Variants in PRRX1 observed in about 807,000 individuals in gnomAD.
PRRX1 encodes paired related homeobox 1.
A neutral mutation model predicts 24.0 loss-of-function variants in PRRX1; 8 were observed. That is an observed-to-expected ratio of 0.33 (90% confidence interval 0.20 to 0.60). PRRX1 has a LOEUF of 0.60. Ranked by LOEUF, PRRX1 falls within the 20% of genes least tolerant of loss-of-function variation. The probability of loss-of-function intolerance (pLI) is 0.82; values close to 1 mark genes in which losing one functional copy is unlikely to be tolerated. For synonymous variants in PRRX1, 160 were observed against 131.7 expected (o/e 1.22, Z -1.47); for missense variants, 281 against 322.4 (o/e 0.87, Z 0.98).
In PRRX1 at chr1:170,721,125, C is replaced by T. The variant is rs539816166; in HGVS notation, c.417+1224C>T. ...AGAGTTCATGCTTTTAATTACCACT[C>T]CCCACCCCGCCTCCCAAAAAAACTG... On this transcript the variant is annotated intron_variant, in intron 2 of 3. Coordinates refer to ENST00000239461, the MANE Select transcript of PRRX1 (RefSeq NM_022716.4). Among the ~76,000 whole-genome samples the T allele has an allele frequency of 6.6e-5, 10 of 152,214 alleles. No homozygotes were observed. In the East Asian group the frequency reaches 1.7e-3, roughly 26 times the overall value.
chr1:170,719,415 A>C (rs992392712), intron 1 of PRRX1, among the ~76,000 whole-genome samples: 1 of 152,232 alleles, frequency 6.6e-6, no homozygotes, highest in African/African-American at 2.4e-5. Context: ...TCCAAAGAAC[A>C]TGGGCAGGGG....
intron 2 of PRRX1, among the ~76,000 whole-genome samples, 200 bp from the exon 3 acceptor site, chr1:170,726,020 T>C (rs563872214): frequency 6.6e-6 from 1 of 152,288 alleles, no homozygotes; most frequent in South Asian, 2.1e-4. Flanking sequence ...TGTAATAGTC[T>C]TGACCTTTAA....
At chr1:170,668,681 G>A (rs953780067) in intron 1 of PRRX1, 1 of 152,216 alleles carries the variant, frequency 6.6e-6, no homozygotes, top group African/African-American at 2.4e-5. Flanking sequence ...AGGAGAGCGG[G>A]AACATTTTCT....
intron 1 of PRRX1, among the ~76,000 whole-genome samples, chr1:170,692,713 CCTCTCTCT>C (rs375918496): frequency 3.6e-5 from 5 of 138,956 alleles, no homozygotes; most frequent in African/African-American, 5.5e-5. Context: ...ACTAACAAAT[CCTCTCTCT>C]CTCTCTCTCT....
rs71559512 is a variant in PRRX1, at chr1:170,689,839, CCTCTCTCTCTCTCT to C, written c.241+25403_241+25416del. ...GTCTCTCTCTCTCTCTCTCTCTCTC[CCTCTCTCTCTCTCT>C]CTCTCTCTCTCTCTCTCTCTCTGTG... On this transcript the variant is annotated intron_variant, in intron 1 of 3. Transcript: ENST00000239461. 2.7e-3 allele frequency among the ~76,000 whole-genome samples: 243 copies of C among 91,642 alleles called. 1 individual carries two copies. The highest frequency in any genetic ancestry group is 4.2e-3 in the Non-Finnish European group (179 of 42,812). 60.1% of individuals were successfully genotyped at this position (91,642 alleles called of 152,430 possible). A position where few individuals can be genotyped will look rare whatever the true frequency, so the allele number is the denominator to read the frequency against.
At chr1:170,666,840 A>G (rs921868589) in intron 1 of PRRX1, among the ~76,000 whole-genome samples, 1 of 151,952 alleles carries the variant, frequency 6.6e-6, no homozygotes, top group Non-Finnish European at 1.5e-5. Flanking sequence ...TAGAGTGGGT[A>G]TGGAGCCGGG....
intron 1 of PRRX1, among the ~76,000 whole-genome samples, chr1:170,676,804 G>A (rs1653334132): frequency 6.6e-6 from 1 of 152,114 alleles, no homozygotes; most frequent in Middle Eastern, 3.2e-3. Context: ...ATCATACTGA[G>A]TTAGGAATGA....
At chr1:170,726,686 C>A in intron 3 of PRRX1, 1 of 385,810 alleles carries the variant, frequency 2.6e-6, no homozygotes, top group Non-Finnish European at 4.7e-6. Flanking sequence ...AAGAAAAGAT[C>A]ATTAAGCTGT....
In PRRX1 at chr1:170,680,000, T is replaced by G. The variant is rs148998996; in HGVS notation, c.241+15541T>G. Among the ~76,000 whole-genome samples, 817 of 152,350 alleles carry G rather than the reference T, an allele frequency of 5.4e-3. 5 individuals are homozygous for G. Among genetic ancestry groups the G allele is most frequent in the African/African-American group, 0.018 (757 of 41,584 alleles). Reference sequence around the variant, plus strand: ...AATTTTCCCTTTTTTCTGATGCTGATTTTTGAAAAGGTTGTGTACGAAATT... The same window carrying G: ...AATTTTCCCTTTTTTCTGATGCTGAGTTTTGAAAAGGTTGTGTACGAAATT... On this transcript the variant is annotated intron_variant, in intron 1 of 3. Coordinates refer to ENST00000239461, the MANE Select transcript of PRRX1 (RefSeq NM_022716.4).
chr1:170,737,126 T>TTATA lies in PRRX1; in HGVS notation c.*947_*950dup. On this transcript the variant is annotated 3_prime_UTR_variant, in exon 4 of 4. Transcript: ENST00000239461. ...GCCTTAAGGATAGTGAGATGCACAC[T>TTATA]TATATATATACTGTATATATTTATA... is the stretch of plus-strand genomic sequence containing the variant. The TTATA allele has an allele frequency of 5.8e-6, 1 of 172,678 alleles. No homozygotes were observed. The highest frequency in any genetic ancestry group is 1.2e-5 in the Non-Finnish European group (1 of 80,780). The allele number at this position is 172,678 out of a possible 1,614,324, so 10.7% of individuals were successfully genotyped here. A position where few individuals can be genotyped will look rare whatever the true frequency, so the allele number is the denominator to read the frequency against.
chr1:170,699,787 G>A lies in PRRX1; in HGVS notation c.242-19939G>A, dbSNP rs74343812. 2.7e-3 allele frequency among the ~76,000 whole-genome samples: 414 copies of A among 152,130 alleles called. 1 individual carries two copies. The highest frequency in any genetic ancestry group is 9.5e-3 in the African/African-American group (396 of 41,516). On this transcript the variant is annotated intron_variant, in intron 1 of 3. Coordinates refer to ENST00000239461, the MANE Select transcript of PRRX1 (RefSeq NM_022716.4). ...GTCTCGCTCTGTCACCTAGGCTGGA[G>A]TGTGGTGGCGTGATCTAGGCTCACT... is the stretch of plus-strand genomic sequence containing the variant.
intron 1 of PRRX1, among the ~76,000 whole-genome samples, chr1:170,696,610 T>C (rs1350581221): frequency 6.6e-6 from 1 of 152,180 alleles, no homozygotes; most frequent in Non-Finnish European, 1.5e-5. Flanking sequence ...TACATGCAAA[T>C]TACTTTAAAA....
intron 1 of PRRX1, among the ~76,000 whole-genome samples, chr1:170,711,532 G>GT (rs991312298): frequency 6.6e-6 from 1 of 152,054 alleles, no homozygotes; most frequent in Non-Finnish European, 1.5e-5. Flanking sequence ...TCCAGTCTTG[G>GT]TTTTTTAGAA....
intron 1 of PRRX1, among the ~76,000 whole-genome samples, chr1:170,673,797 G>A (rs926558048): frequency 5.3e-5 from 8 of 152,054 alleles, no homozygotes; most frequent in African/African-American, 1.9e-4. Flanking sequence ...CTTCCTTTAT[G>A]TTTCTGTTCC....
At chr1:170,690,458 C>A (rs1653900327) in intron 1 of PRRX1, among the ~76,000 whole-genome samples, 1 of 152,066 alleles carries the variant, frequency 6.6e-6, no homozygotes, top group Non-Finnish European at 1.5e-5. Flanking sequence ...TTATAATAAT[C>A]AATTTTGCTC....
At chr1:170,688,737 C>T (rs773218436) in intron 1 of PRRX1, among the ~76,000 whole-genome samples, 10 of 151,810 alleles carry the variant, frequency 6.6e-5, no homozygotes, top group Non-Finnish European at 1.5e-4. Context: ...ATTTTTGCAC[C>T]CATTTAATTG....
rs554978044 is a variant in PRRX1 at position 170,699,929 on chromosome 1, C to G, written c.242-19797C>G. 5.3e-5 allele frequency among the ~76,000 whole-genome samples: 8 copies of G among 152,082 alleles called. No homozygotes were observed. In the East Asian group the frequency reaches 1.6e-3, roughly 29 times the overall value. On this transcript the variant is annotated intron_variant, in intron 1 of 3. Coordinates refer to ENST00000239461, the MANE Select transcript of PRRX1 (RefSeq NM_022716.4). Reference sequence around the variant, plus strand: ...TTCTGTATTTTTAGTAGAGATGGGGCGAGGCTGGTCTTGAACTCCTGACCT... The same window carrying G: ...TTCTGTATTTTTAGTAGAGATGGGGGGAGGCTGGTCTTGAACTCCTGACCT...
intron 3 of PRRX1, among the ~76,000 whole-genome samples, chr1:170,730,943 A>G (rs1195204800): frequency 1.3e-5 from 2 of 152,226 alleles, no homozygotes; most frequent in Non-Finnish European, 2.9e-5. Flanking sequence ...ATATAAAAGT[A>G]TTTCTAAAAT....
At chr1:170,734,580 C>G (rs1286159822) in intron 3 of PRRX1, among the ~76,000 whole-genome samples, 1 of 152,092 alleles carries the variant, frequency 6.6e-6, no homozygotes, top group Non-Finnish European at 1.5e-5. Context: ...AAGAGTTAAG[C>G]AGGCAAAACT....
Sources: gnomAD v4.1 joint callset for allele counts (sites outside exome capture counted in the v4.1 genomes callset) on GRCh38, gnomAD v4.1.1 for gene constraint, MANE v1.5 for transcripts, NCBI Gene and HGNC (gene_info 2026-07-23, HGNC 2026-07-21) for gene names.